Variants in CFAP74 observed in about 807,000 individuals in gnomAD.
The protein encoded by CFAP74 is cilia- and flagella-associated protein 74.
A neutral mutation model predicts 188.9 loss-of-function variants in CFAP74; 124 were observed. That is an observed-to-expected ratio of 0.66 (90% confidence interval 0.57 to 0.76). CFAP74 has a LOEUF of 0.76. Ranked by LOEUF, CFAP74 falls within the 30% of genes least tolerant of loss-of-function variation. The pLI is 0.00. For missense variants in CFAP74, 2,198 were observed against 2,165.2 expected (o/e 1.02, Z -0.30); for synonymous variants, 956 against 916.7 (o/e 1.04, Z -0.77).
chr1:1,960,101 GCA>G, intron 14 of CFAP74, 71 bp from the exon 15 acceptor site: 1 of 1,350,784 alleles, frequency 7.4e-7, no homozygotes, highest in African/African-American at 1.5e-5. Context: ...ACCACCCAGA[GCA>G]CAGTCAGGCT....
chr1:1,970,584 C>T (rs553441235), intron 10 of CFAP74, 75 bp downstream of exon 10: 55 of 1,484,692 alleles, frequency 3.7e-5, no homozygotes, highest in Middle Eastern at 2.3e-4. Flanking sequence ...AATGTGAAGC[C>T]GAACCCCCTT....
Position 1,974,089 on chromosome 1 carries a change from C to T in CFAP74, c.610G>A (p.Glu204Lys), listed in dbSNP as rs370741010. 26 of 1,612,186 alleles carry T rather than the reference C, an allele frequency of 1.6e-5. No homozygotes were observed. The highest frequency in any genetic ancestry group is 2.0e-5 in the Non-Finnish European group (24 of 1,179,058). The change falls in exon 7 of 39, where the codon GAG becomes AAG. Residue 204 changes from glutamate to lysine, a missense_variant. Transcript: ENST00000682832. ...GCCTCCTGCTCTCTGCAGAGCTGCT[C>T]GGCTGCGCGCACCTGGAGCCGCCGC... ...TGRRLQVRAA[E>K]QLCREQEALG...
At chr1:1,995,272 G>A (rs2102116725) in intron 1 of CFAP74, among the ~76,000 whole-genome samples, 1 of 152,246 alleles carries the variant, frequency 6.6e-6, no homozygotes, top group Middle Eastern at 3.4e-3. Flanking sequence ...GCCGAGGTGG[G>A]CGGATCACTT....
chr1:2,001,806 C>T (rs866869391), intron 1 of CFAP74, among the ~76,000 whole-genome samples: 1 of 152,074 alleles, frequency 6.6e-6, no homozygotes, highest in Non-Finnish European at 1.5e-5. Flanking sequence ...CTGTCCGAGA[C>T]GTGCAGTGGG....
intron 2 of CFAP74, among the ~76,000 whole-genome samples, chr1:1,989,589 T>C (rs911008889): frequency 3.3e-5 from 5 of 152,130 alleles, no homozygotes; most frequent in African/African-American, 1.2e-4. Context: ...GCCTCCCGAG[T>C]AGCTGAGGCT....
intron 8 of CFAP74, among the ~76,000 whole-genome samples, chr1:1,972,354 A>G (rs916425264): frequency 6.6e-6 from 1 of 152,182 alleles, no homozygotes. Flanking sequence ...AGAACACAAG[A>G]GGTGGGATGG....
At chr1:1,952,204 C>T (rs923193204) in intron 18 of CFAP74, among the ~76,000 whole-genome samples, 3 of 152,198 alleles carry the variant, frequency 2.0e-5, no homozygotes, top group East Asian at 1.9e-4. Flanking sequence ...CCACCCGCCT[C>T]GGCCTCCCAA....
intron 6 of CFAP74, chr1:1,985,149 G>A (rs971567809): frequency 5.1e-5 from 24 of 472,782 alleles, no homozygotes; most frequent in Non-Finnish European, 9.2e-5. Context: ...GAGGAAAGAG[G>A]AAAAAGAACC....
chr1:1,945,316 G>A (rs1653677149), intron 20 of CFAP74, among the ~76,000 whole-genome samples: 1 of 152,124 alleles, frequency 6.6e-6, no homozygotes, highest in African/African-American at 2.4e-5. Flanking sequence ...AGGTTAGAGA[G>A]TATGAGTGAG....
intron 38 of CFAP74, 30 bp downstream of exon 38, chr1:1,922,559 C>T (rs767958283): frequency 2.5e-6 from 4 of 1,605,690 alleles, no homozygotes; most frequent in East Asian, 2.2e-5. Context: ...GTTCCCAGGG[C>T]TCCCTGGCCT....
intron 11 of CFAP74, 46 bp from the exon 12 acceptor site, chr1:1,966,572 G>C (rs763467908): frequency 2.1e-6 from 3 of 1,426,962 alleles, no homozygotes; most frequent in African/African-American, 1.4e-5. Context: ...TCATGACAGA[G>C]AACAGGGAAG....
intron 25 of CFAP74, 95 bp downstream of exon 25, chr1:1,938,760 G>C: frequency 7.2e-7 from 1 of 1,387,784 alleles, no homozygotes; most frequent in Admixed American, 2.2e-5. Context: ...CAGGCAGATG[G>C]GGTCAGGGGC....
intron 1 of CFAP74, among the ~76,000 whole-genome samples, chr1:1,998,328 GT>G (rs1419618462): frequency 6.6e-6 from 1 of 152,118 alleles, no homozygotes; most frequent in Non-Finnish European, 1.5e-5. Context: ...TGATTTTGTG[GT>G]TATGCTAAAA....
intron 1 of CFAP74, among the ~76,000 whole-genome samples, chr1:1,991,826 T>G (rs1448985833): frequency 6.6e-6 from 1 of 151,732 alleles, no homozygotes; most frequent in Non-Finnish European, 1.5e-5. Flanking sequence ...GATCACGAGG[T>G]CAGGAGATCG....
intron 33 of CFAP74, 65 bp from the exon 34 acceptor site, chr1:1,924,585 G>A (rs925567640): frequency 3.6e-5 from 56 of 1,535,260 alleles, no homozygotes; most frequent in Non-Finnish European, 4.5e-5. Flanking sequence ...TCCTGTCGTC[G>A]GTGCCCAGGA....
At chr1:1,936,232 G>GA (rs909189579) in intron 25 of CFAP74, among the ~76,000 whole-genome samples, 1 of 136,786 alleles carries the variant, frequency 7.3e-6, no homozygotes, top group Non-Finnish European at 1.5e-5. Context: ...AAAAAAAAAA[G>GA]AAAAAAAGAA....
intron 1 of CFAP74, among the ~76,000 whole-genome samples, chr1:1,997,720 A>T (rs140204937): frequency 6.6e-6 from 1 of 152,208 alleles, no homozygotes; most frequent in Non-Finnish European, 1.5e-5. Context: ...TCTACAGAGA[A>T]TGCGAGGAAC....
chr1:1,987,133 G>A (rs1657291971), intron 4 of CFAP74, 98 bp from the exon 5 acceptor site: 16 of 953,378 alleles, frequency 1.7e-5, no homozygotes, highest in Non-Finnish European at 2.4e-5. Context: ...GGCAGAGCCA[G>A]ACCCCCAGAG....
chr1:1,944,466 C>G lies in CFAP74; in HGVS notation c.2365-14G>C. On this transcript the variant is annotated splice_polypyrimidine_tract_variant and intron_variant, in intron 20 of 38. Coordinates refer to ENST00000682832, the MANE Select transcript of CFAP74 (RefSeq NM_001304360.2). ...CCTGAAATGCAGCTGCATATGGACA[C>G]AGGAGCTCAGCAACAGGAGTTCCTT... 6.5e-7 allele frequency: 1 copy of G among 1,534,870 alleles called. No homozygotes were observed. Among genetic ancestry groups the G allele is most frequent in the Non-Finnish European group, 8.7e-7 (1 of 1,145,930 alleles).
Sources: gnomAD v4.1 joint callset for allele counts (sites outside exome capture counted in the v4.1 genomes callset) on GRCh38, gnomAD v4.1.1 for gene constraint, MANE v1.5 for transcripts, NCBI Gene and HGNC (gene_info 2026-07-23, HGNC 2026-07-21) for gene names.